The following PATJ variants were observed in gnomAD, a reference collection of about 807,000 sequenced individuals.
The protein encoded by PATJ is PATJ crumbs cell polarity complex component.
PATJ carries 190 observed loss-of-function variants against 224.9 expected under a neutral mutation model. The observed-to-expected ratio is 0.84, with a 90% confidence interval of 0.75 to 0.95. PATJ has a LOEUF of 0.95. Ranked by LOEUF, PATJ falls within the 40% of genes least tolerant of loss-of-function variation. The pLI is 0.00. For missense variants in PATJ, 2,121 were observed against 2,270.3 expected, an observed-to-expected ratio of 0.93 and a Z score of 1.34; for synonymous variants, 769 against 820.3, an observed-to-expected ratio of 0.94 and a Z score of 1.07.
intron 32 of PATJ, among the ~76,000 whole-genome samples, chr1:62,081,290 G>A (rs1169638034): frequency 6.6e-6 from 1 of 152,056 alleles, no homozygotes. Context: ...ATAAATAAAT[G>A]AAGTTCATCA....
intron 37 of PATJ, among the ~76,000 whole-genome samples, chr1:62,120,314 A>G (rs537670456): frequency 5.4e-4 from 82 of 152,328 alleles, no homozygotes; most frequent in African/African-American, 1.7e-3. Flanking sequence ...AGGTTTTCAT[A>G]TTTTAGGAAT....
At chr1:61,982,418 T>C (rs1304047512) in intron 27 of PATJ, among the ~76,000 whole-genome samples, 1 of 151,992 alleles carries the variant, frequency 6.6e-6, no homozygotes, top group African/African-American at 2.4e-5. Flanking sequence ...GTCACAGCAC[T>C]TGGATTCAGC....
chr1:62,136,620 T>TGTAA (rs1666900346), intron 41 of PATJ, among the ~76,000 whole-genome samples: 1 of 151,202 alleles, frequency 6.6e-6, no homozygotes, highest in Non-Finnish European at 1.5e-5. Context: ...TCCAGCTGCA[T>TGTAA]GTAAGTGCTG....
intron 14 of PATJ, chr1:61,816,501 T>G (rs1656131676): frequency 6.6e-6 from 1 of 152,222 alleles, no homozygotes; most frequent in East Asian, 1.9e-4. Flanking sequence ...ACGCACAAAT[T>G]CGTGAAGTGT....
intron 21 of PATJ, 112 bp downstream of exon 21, chr1:61,875,478 G>A: frequency 1.2e-6 from 1 of 823,010 alleles, no homozygotes; most frequent in Non-Finnish European, 1.9e-6. Context: ...ATGATGCTTT[G>A]AATTTATGTC....
At chr1:61,893,469 C>A (rs1669879771) in intron 22 of PATJ, among the ~76,000 whole-genome samples, 1 of 142,308 alleles carries the variant, frequency 7.0e-6, no homozygotes, top group South Asian at 2.2e-4. Flanking sequence ...GGTTGCTTTC[C>A]CTTCTATTTT....
intron 34 of PATJ, among the ~76,000 whole-genome samples, chr1:62,112,217 C>G (rs1403135912): frequency 1.3e-5 from 2 of 151,980 alleles, no homozygotes; most frequent in Admixed American, 6.6e-5. Flanking sequence ...ATTAAAAAAG[C>G]CTTGGGGGCC....
At chr1:61,897,874 A>G (rs758615617) in intron 22 of PATJ, among the ~76,000 whole-genome samples, 38 of 152,244 alleles carry the variant, frequency 2.5e-4, no homozygotes, top group Middle Eastern at 3.4e-3. Context: ...ATGCTGTGAT[A>G]CTTTCAATAA....
chr1:62,045,207 G>T (rs1012138694), intron 30 of PATJ, among the ~76,000 whole-genome samples: 1 of 150,900 alleles, frequency 6.6e-6, no homozygotes, highest in Non-Finnish European at 1.5e-5. Context: ...GGCAACAACC[G>T]TGAAACTCCG....
At chr1:62,062,392 C>CTTTTTTGT (rs1655640351) in intron 31 of PATJ, among the ~76,000 whole-genome samples, 1 of 28,458 alleles carries the variant, frequency 3.5e-5, no homozygotes, top group Non-Finnish European at 5.9e-5. Flanking sequence ...ATGTTGTCTT[C>CTTTTTTGT]TTTTTTTTTT....
rs767050477 is a variant in PATJ, at chr1:61,814,545, T to TGC, written c.1683+6016_1683+6017insCG. Among the ~76,000 whole-genome samples the TGC allele has an allele frequency of 8.4e-3, 1,167 of 138,680 alleles. 4 individuals carry two copies. Among genetic ancestry groups the TGC allele is most frequent in the Admixed American group, 0.01 (137 of 13,542 alleles). The allele number at this position is 138,680 out of a possible 152,430, so 91.0% of individuals were successfully genotyped here. ...GTGTGTGTGTGTGTGTGTGTGTGTGTGTGCGCGCGCGCGCGCATGTATGTG... is the reference window on the plus strand; with the variant it reads ...GTGTGTGTGTGTGTGTGTGTGTGTGTGCGTGCGCGCGCGCGCGCATGTATGTG... On this transcript the variant is annotated intron_variant, in intron 14 of 43. Transcript: ENST00000642238.
At chr1:62,024,837 T>G (rs973553696) in intron 29 of PATJ, among the ~76,000 whole-genome samples, 2 of 152,154 alleles carry the variant, frequency 1.3e-5, no homozygotes, top group African/African-American at 4.8e-5. Flanking sequence ...GGCAATATGA[T>G]ACCTTAGGCA....
chr1:61,993,627 A>G (rs1645190387), intron 28 of PATJ, among the ~76,000 whole-genome samples: 1 of 151,498 alleles, frequency 6.6e-6, no homozygotes, highest in South Asian at 2.1e-4. Context: ...TGTGTCAGGA[A>G]CCCAGATCAG....
chr1:61,863,032 T>TTG (rs1553182910), intron 19 of PATJ, among the ~76,000 whole-genome samples: 114 of 132,296 alleles, frequency 8.6e-4, no homozygotes, highest in African/African-American at 3.1e-3. Flanking sequence ...TTTCAGTTTT[T>TTG]TTTTTTTTTT....
chr1:61,898,900 C>A (rs1301269666), intron 22 of PATJ, among the ~76,000 whole-genome samples: 4 of 152,148 alleles, frequency 2.6e-5, no homozygotes, highest in African/African-American at 9.7e-5. Flanking sequence ...AATCTTCCAG[C>A]CTCAGCCTCT....
At chr1:61,840,399 C>G (rs2148828712) in intron 17 of PATJ, among the ~76,000 whole-genome samples, 1 of 152,010 alleles carries the variant, frequency 6.6e-6, no homozygotes, top group South Asian at 2.1e-4. Flanking sequence ...TGACCATAAT[C>G]CCTTACTTCT....
At chr1:62,056,559 T>C (rs1360632557) in intron 31 of PATJ, among the ~76,000 whole-genome samples, 3 of 151,884 alleles carry the variant, frequency 2.0e-5, no homozygotes, top group Admixed American at 1.3e-4. Context: ...GGCTGGTGGA[T>C]CACCTGAGGT....
intron 36 of PATJ, 84 bp downstream of exon 36, chr1:62,116,763 G>T: frequency 7.5e-7 from 1 of 1,332,944 alleles, no homozygotes; most frequent in Non-Finnish European, 1.0e-6. Context: ...TTATAAAATG[G>T]GTTGGATTTT....
chr1:62,155,193 C>CTG (rs1348972880), intron 43 of PATJ, among the ~76,000 whole-genome samples: 1 of 152,184 alleles, frequency 6.6e-6, no homozygotes, highest in Non-Finnish European at 1.5e-5. Flanking sequence ...TTCTGCTGGC[C>CTG]TGCTGTTGCC....
Sources: allele counts gnomAD v4.1 joint callset (sites outside exome capture counted in the v4.1 genomes callset), GRCh38; gene constraint gnomAD v4.1.1; transcripts MANE v1.5; gene names NCBI Gene and HGNC (gene_info 2026-07-23, HGNC 2026-07-21).